The following ITFG1 variants were observed in gnomAD, a reference collection of about 807,000 sequenced individuals.
ITFG1 encodes T-cell immunomodulatory protein.
Under a neutral mutation model 81.8 loss-of-function variants are expected in ITFG1, and 34 were observed. That is an observed-to-expected ratio of 0.42 (90% CI 0.32 to 0.55). ITFG1 has a LOEUF of 0.55. Ranked by LOEUF, ITFG1 falls within the 20% of genes least tolerant of loss-of-function variation. The pLI, the probability that ITFG1 is intolerant of heterozygous loss-of-function variation, is 0.17. For synonymous variants in ITFG1, 285 were observed against 270.6 expected, an observed-to-expected ratio of 1.05 and a Z score of -0.52; for missense variants, 672 against 755.4, an observed-to-expected ratio of 0.89 and a Z score of 1.29.
At chr16:47,392,469 T>G (rs1015386203) in intron 6 of ITFG1, among the ~76,000 whole-genome samples, 1 of 152,160 alleles carries the variant, frequency 6.6e-6, no homozygotes, top group Non-Finnish European at 1.5e-5. Flanking sequence ...AGATCAGGTC[T>G]GAAATGTGAG....
At chr16:47,381,512 T>C (rs1596945851) in intron 6 of ITFG1, among the ~76,000 whole-genome samples, 2 of 152,314 alleles carry the variant, frequency 1.3e-5, no homozygotes, top group South Asian at 2.1e-4. Context: ...GTATTTTCTG[T>C]AAGCTGAAAT....
intron 12 of ITFG1, among the ~76,000 whole-genome samples, chr16:47,256,042 T>C (rs1966135702): frequency 6.6e-6 from 1 of 152,082 alleles, no homozygotes; most frequent in African/African-American, 2.4e-5. Context: ...TGATGTCACC[T>C]TGACTTACTG....
At chr16:47,451,096 G>A (rs1027261073) in intron 5 of ITFG1, among the ~76,000 whole-genome samples, 1 of 152,114 alleles carries the variant, frequency 6.6e-6, no homozygotes, top group Non-Finnish European at 1.5e-5. Flanking sequence ...CAAGACTGCA[G>A]GTATCCTCCC....
intron 13 of ITFG1, 46 bp downstream of exon 13, chr16:47,237,919 A>G (rs375832986): frequency 2.0e-4 from 168 of 838,480 alleles, no homozygotes; most frequent in Non-Finnish European, 3.0e-4. Flanking sequence ...CTACTTATAC[A>G]TAGAATTTTC....
chr16:47,379,349 C>G (rs1057482802), intron 6 of ITFG1, among the ~76,000 whole-genome samples: 1 of 152,100 alleles, frequency 6.6e-6, no homozygotes, highest in African/African-American at 2.4e-5. Flanking sequence ...GAAACCCAAC[C>G]AACAATAGTT....
At chr16:47,320,316 AT>A (rs754742949) in intron 8 of ITFG1, among the ~76,000 whole-genome samples, 4 of 152,134 alleles carry the variant, frequency 2.6e-5, no homozygotes, top group Non-Finnish European at 4.4e-5. Flanking sequence ...ATTTACTAAT[AT>A]TTTGCTTTAT....
At chr16:47,416,081 C>A (rs1264013491) in intron 6 of ITFG1, among the ~76,000 whole-genome samples, 1 of 151,896 alleles carries the variant, frequency 6.6e-6, no homozygotes, top group South Asian at 2.1e-4. Flanking sequence ...GCAACAAGAG[C>A]GAAACTGTGT....
chr16:47,177,786 C>T (rs1211778237), intron 14 of ITFG1, among the ~76,000 whole-genome samples: 3 of 151,996 alleles, frequency 2.0e-5, no homozygotes, highest in Non-Finnish European at 4.4e-5. Flanking sequence ...AGAATATTGG[C>T]CAAAGAAAGC....
intron 10 of ITFG1, among the ~76,000 whole-genome samples, chr16:47,276,086 A>C (rs942761649): frequency 6.6e-6 from 1 of 152,104 alleles, no homozygotes; most frequent in Non-Finnish European, 1.5e-5. Flanking sequence ...AAGAAAGAAG[A>C]GATACAATAC....
intron 14 of ITFG1, among the ~76,000 whole-genome samples, chr16:47,213,840 G>A (rs1255721295): frequency 6.6e-6 from 1 of 152,116 alleles, no homozygotes; most frequent in African/African-American, 2.4e-5. Flanking sequence ...CTGTTGATCT[G>A]TATCCTTCAT....
chr16:47,181,317 C>G (rs1438122735), intron 14 of ITFG1, among the ~76,000 whole-genome samples: 1 of 151,322 alleles, frequency 6.6e-6, no homozygotes, highest in Non-Finnish European at 1.5e-5. Context: ...TGAGGAGCGT[C>G]TCCGCCTGGC....
At chr16:47,295,749 C>T (rs924801313) in intron 10 of ITFG1, among the ~76,000 whole-genome samples, 9 of 152,146 alleles carry the variant, frequency 5.9e-5, no homozygotes, top group Non-Finnish European at 1.3e-4. Flanking sequence ...TTTTCAACAA[C>T]CAACTTTTTG....
chr16:47,237,971 CT>C lies in ITFG1; in HGVS notation c.1367del (p.Lys456ArgfsTer2). 7.0e-7 allele frequency: 1 copy of C among 1,427,218 alleles called. No homozygotes were observed. The allele number at this position is 1,427,218 out of a possible 1,614,324, so 88.4% of individuals were successfully genotyped here. ...SGLCSNDCPR[K>X]ITPFGVNQPG... is the part of the protein sequence containing the mutation. ...CAGATATAAATTTACTTACTGTTAT[CT>C]TACGAGGACAGTCATTAGAACACAG... On this transcript the variant is annotated frameshift_variant, in exon 13 of 18. Transcript: ENST00000320640. LOFTEE classifies it high-confidence loss of function.
At chr16:47,280,856 A>C (rs1049671699) in intron 10 of ITFG1, among the ~76,000 whole-genome samples, 1 of 152,098 alleles carries the variant, frequency 6.6e-6, no homozygotes, top group Non-Finnish European at 1.5e-5. Context: ...AAAAACCTCT[A>C]AACGACAGGA....
intron 8 of ITFG1, among the ~76,000 whole-genome samples, chr16:47,325,479 A>G (rs1967521943): frequency 6.6e-6 from 1 of 152,250 alleles, no homozygotes. Flanking sequence ...AGATCAGAGT[A>G]GAACTGAAGG....
rs1201893132 is a variant in ITFG1 at position 47,237,869 on chromosome 16, AATG to A, written c.1374+93_1374+95del. The A allele has an allele frequency of 7.8e-6, 5 of 640,556 alleles. No homozygotes were observed. The East Asian group carries it at 1.2e-4, about 16-fold the overall frequency. The allele number at this position is 640,556 out of a possible 1,614,324, so 39.7% of individuals were successfully genotyped here. A position where few individuals can be genotyped will look rare whatever the true frequency, so the allele number is the denominator to read the frequency against. ...GATTCTTTAATCACTGCCAGATAAT[AATG>A]ATATTTGATAATCTATAACAACTAT... On this transcript the variant is annotated intron_variant, in intron 13 of 17. Coordinates refer to ENST00000320640, the MANE Select transcript of ITFG1 (RefSeq NM_030790.5).
At chr16:47,264,512 T>C (rs547205113) in intron 10 of ITFG1, among the ~76,000 whole-genome samples, 17 of 151,340 alleles carry the variant, frequency 1.1e-4, no homozygotes, top group Non-Finnish European at 1.8e-4. Flanking sequence ...CACTATGCTA[T>C]TGATGGTCAG....
chr16:47,398,773 T>C (rs1968622994), intron 6 of ITFG1, among the ~76,000 whole-genome samples: 1 of 152,248 alleles, frequency 6.6e-6, no homozygotes, highest in Non-Finnish European at 1.5e-5. Context: ...ATTCCTTCTC[T>C]AGTGTACCAA....
intron 10 of ITFG1, among the ~76,000 whole-genome samples, chr16:47,285,176 G>C (rs1175948945): frequency 6.6e-6 from 1 of 152,066 alleles, no homozygotes; most frequent in Non-Finnish European, 1.5e-5. Context: ...CTGATCCTGG[G>C]TCTTAAGACA....
Sources: gnomAD v4.1 joint callset for allele counts (sites outside exome capture counted in the v4.1 genomes callset) on GRCh38, gnomAD v4.1.1 for gene constraint, MANE v1.5 for transcripts, NCBI Gene and HGNC (gene_info 2026-07-23, HGNC 2026-07-21) for gene names.